The following CHD6 variants were observed in gnomAD, a reference collection of about 807,000 sequenced individuals.
CHD6 encodes chromodomain helicase DNA binding protein 6.
In CHD6, 50 loss-of-function variants were observed where a neutral mutation model predicts 276.9. That is an observed-to-expected ratio of 0.18 (90% CI 0.14 to 0.23). The LOEUF is 0.23. Among genes scored for constraint, CHD6 ranks in the 10% least tolerant of loss-of-function variants. The pLI, the probability that CHD6 is intolerant of heterozygous loss-of-function variation, is 1.00. For synonymous variants in CHD6, 1,173 were observed against 1,229.3 expected (o/e 0.95, Z 0.96); for missense variants, 2,564 against 3,365.8 (o/e 0.76, Z 5.89).
At chr20:41,569,285 C>A (rs2045391343) in intron 1 of CHD6, among the ~76,000 whole-genome samples, 2 of 152,174 alleles carry the variant, frequency 1.3e-5, no homozygotes, top group Non-Finnish European at 2.9e-5. Flanking sequence ...CACTTTAGGC[C>A]AACTTAAGCC....
chr20:41,444,918 T>C (rs373843677), intron 25 of CHD6, among the ~76,000 whole-genome samples: 7 of 152,366 alleles, frequency 4.6e-5, no homozygotes, highest in East Asian at 3.9e-4. Context: ...CCTAACTCTT[T>C]TCACTTTAAA....
intron 1 of CHD6, among the ~76,000 whole-genome samples, chr20:41,605,536 T>C (rs2045818530): frequency 6.6e-6 from 1 of 152,234 alleles, no homozygotes; most frequent in African/African-American, 2.4e-5. Flanking sequence ...GATGTTATTT[T>C]TAACATAAAC....
At chr20:41,496,079 T>C (rs1254807389) in intron 8 of CHD6, among the ~76,000 whole-genome samples, 1 of 152,204 alleles carries the variant, frequency 6.6e-6, no homozygotes, top group Non-Finnish European at 1.5e-5. Context: ...GAACATAGCA[T>C]TTAGGAATGA....
rs991060631 is a variant in CHD6, at chr20:41,603,561, T to G, written c.-24+14779A>C. Among the ~76,000 whole-genome samples, 8 of 152,054 alleles carry G rather than the reference T, an allele frequency of 5.3e-5. No homozygotes were observed. The South Asian group carries it at 1.7e-3, about 32-fold the overall frequency. ...TTCAAGGCATTAAGGTTGAGAAACA[T>G]TGAATTTAAAAAATTCATTTTGGGC... On this transcript the variant is annotated intron_variant, in intron 1 of 36. Coordinates refer to ENST00000373233, the MANE Select transcript of CHD6 (RefSeq NM_032221.5).
At chr20:41,572,725 C>A (rs1179860886) in intron 1 of CHD6, among the ~76,000 whole-genome samples, 1 of 152,166 alleles carries the variant, frequency 6.6e-6, no homozygotes, top group Non-Finnish European at 1.5e-5. Context: ...CTGGCCCAGG[C>A]AAGCAGGGAA....
At chr20:41,429,321 G>A (rs1303647994) in intron 27 of CHD6, among the ~76,000 whole-genome samples, 1 of 152,144 alleles carries the variant, frequency 6.6e-6, no homozygotes, top group East Asian at 1.9e-4. Flanking sequence ...GCTTTAGAAG[G>A]TTTCTGTAGG....
intron 5 of CHD6, among the ~76,000 whole-genome samples, chr20:41,504,473 G>A (rs555891896): frequency 4.3e-5 from 6 of 140,390 alleles, no homozygotes; most frequent in East Asian, 4.4e-4. Flanking sequence ...GCAGTGGAAC[G>A]ATCTCACCTC....
chr20:41,574,990 G>T (rs1166460319), intron 1 of CHD6, among the ~76,000 whole-genome samples: 1 of 152,180 alleles, frequency 6.6e-6, no homozygotes, highest in Non-Finnish European at 1.5e-5. Context: ...GTGTAACTTT[G>T]TAACTTCACT....
chr20:41,433,143 T>G (rs34940339), intron 27 of CHD6, among the ~76,000 whole-genome samples: 5,215 of 151,922 alleles, frequency 0.034, 124 homozygotes, highest in South Asian at 0.068. Flanking sequence ...GATCTAATTT[T>G]CATTTTATTG....
chr20:41,434,126 C>T (rs113431913), intron 27 of CHD6, among the ~76,000 whole-genome samples: 25 of 151,946 alleles, frequency 1.6e-4, no homozygotes, highest in African/African-American at 5.8e-4. Context: ...AGACAGAGAC[C>T]GGCAGAGCGT....
rs768776825 is a variant in CHD6, at chr20:41,574,651, T to C, written c.-23-23291A>G. ...CAGCTATCAGTGAGTCTAAAGAATA[T>C]GCAGAACGATTATGAGGTAATATAA... On this transcript the variant is annotated intron_variant, in intron 1 of 36. Transcript: ENST00000373233. 1.4e-4 allele frequency among the ~76,000 whole-genome samples: 22 copies of C among 152,172 alleles called. 1 individual carries two copies. Among genetic ancestry groups the C allele is most frequent in the Admixed American group, 2.6e-4 (4 of 15,278 alleles).
rs372848024 is a variant in CHD6, at chr20:41,473,153, G to C, written c.2664+169C>G. On this transcript the variant is annotated intron_variant, in intron 17 of 36. Transcript: ENST00000373233. This position sits in a 1 kb window ranked among gnomAD's most constrained non-coding sequence, Gnocchi z 4.1. Reference sequence around the variant, plus strand: ...CACTCTCTAATTAGTTGGAAGGGTCGACATTTACTTTTCATTCAGTTTCAC... The same window carrying C: ...CACTCTCTAATTAGTTGGAAGGGTCCACATTTACTTTTCATTCAGTTTCAC... 38 of 566,756 alleles carry C rather than the reference G, an allele frequency of 6.7e-5. No homozygotes were observed. Among genetic ancestry groups the C allele is most frequent in the East Asian group, 3.7e-4 (13 of 35,094 alleles). 35.1% of individuals were successfully genotyped at this position (566,756 alleles called of 1,614,324 possible).
At chr20:41,495,960 T>C (rs1222297529) in intron 8 of CHD6, among the ~76,000 whole-genome samples, 1 of 152,224 alleles carries the variant, frequency 6.6e-6, no homozygotes, top group Non-Finnish European at 1.5e-5. Flanking sequence ...CCCAGGCTCT[T>C]ACCATTGTGC....
intron 1 of CHD6, among the ~76,000 whole-genome samples, chr20:41,579,230 T>A (rs769761451): frequency 2.1e-5 from 3 of 143,796 alleles, no homozygotes; most frequent in African/African-American, 7.8e-5. Context: ...AGGTCAGGAG[T>A]TCGAGACCAG....
chr20:41,447,137 T>C (rs2048094922), intron 24 of CHD6, among the ~76,000 whole-genome samples: 2 of 152,186 alleles, frequency 1.3e-5, no homozygotes, highest in South Asian at 4.1e-4. Flanking sequence ...TCCCTCTCTC[T>C]CTTACTTTAG....
At chr20:41,465,329 C>T (rs2042896307) in intron 17 of CHD6, among the ~76,000 whole-genome samples, 1 of 152,098 alleles carries the variant, frequency 6.6e-6, no homozygotes, top group South Asian at 2.1e-4. Context: ...TCACGCATCC[C>T]CTGATACAAT....
Position 41,415,247 on chromosome 20 carries a change from T to C in CHD6, c.6878A>G (p.His2293Arg). The C allele has an allele frequency of 6.2e-7, 1 of 1,614,160 alleles. No individual in the cohort carries two copies. Among genetic ancestry groups the C allele is most frequent in the South Asian group, 1.1e-5 (1 of 91,062 alleles). Reference sequence around the variant, plus strand: ...GATGAGGTCCATCCCTCCTTCAACATGTTTCCGCCTCCCTCTCCGCCTCCT... The same window carrying C: ...GATGAGGTCCATCCCTCCTTCAACACGTTTCCGCCTCCCTCTCCGCCTCCT... ...ATRRRRGRRK[H>R]VEGGMDLIFL... Residue 2293 changes from histidine to arginine, a missense_variant, in exon 34 of 37, where the codon CAT becomes CGT. By Grantham distance (29) the His-to-Arg change is conservative. Coordinates refer to ENST00000373233, the MANE Select transcript of CHD6 (RefSeq NM_032221.5).
intron 1 of CHD6, among the ~76,000 whole-genome samples, chr20:41,577,434 G>C (rs983755965): frequency 6.6e-6 from 1 of 152,104 alleles, no homozygotes; most frequent in Admixed American, 6.5e-5. Context: ...CGTTTCTCTT[G>C]ATTTTTCCAT....
chr20:41,415,487 C>G lies in CHD6; in HGVS notation c.6638G>C (p.Gly2213Ala). ...HTPIILNGWH[G>A]ESAMDLSCSS... ...GCAGGAGAGGTCCATAGCTGACTCC[C>G]CATGCCAGCCATTGAGGATGATAGG... Residue 2213 changes from glycine to alanine, a missense_variant, in exon 34 of 37, where the codon GGG becomes GCG. Coordinates refer to ENST00000373233, the MANE Select transcript of CHD6 (RefSeq NM_032221.5). 1 of 1,613,776 alleles carries G rather than the reference C, an allele frequency of 6.2e-7. No homozygotes were observed. Among genetic ancestry groups the G allele is most frequent in the Non-Finnish European group, 8.5e-7 (1 of 1,179,868 alleles).
Sources: gnomAD v4.1 joint callset for allele counts (sites outside exome capture counted in the v4.1 genomes callset) on GRCh38, gnomAD v4.1.1 for gene constraint, Gnocchi (gnomAD v3.1) non-coding constraint, MANE v1.5 for transcripts, NCBI Gene and HGNC (gene_info 2026-07-23, HGNC 2026-07-21) for gene names.